Variants in RGS17 observed in about 807,000 individuals in gnomAD.
RGS17 encodes the protein regulator of G-protein signaling 17.
RGS17 carries 12 observed loss-of-function variants against 25.5 expected under a neutral mutation model. The ratio of observed to expected loss-of-function variants is 0.47; its 90% confidence interval spans 0.30 to 0.76. The LOEUF is 0.76. Ranked by LOEUF, RGS17 falls within the 30% of genes least tolerant of loss-of-function variation. The probability of loss-of-function intolerance (pLI) is 0.07; values close to 1 mark genes in which losing one functional copy is unlikely to be tolerated. For synonymous variants in RGS17, 71 were observed against 76.9 expected, an observed-to-expected ratio of 0.92 and a Z score of 0.40; for missense variants, 196 against 242.2, an observed-to-expected ratio of 0.81 and a Z score of 1.27.
intron 1 of RGS17, among the ~76,000 whole-genome samples, chr6:153,129,954 G>C (rs376737495): frequency 5.3e-5 from 8 of 152,102 alleles, no homozygotes; most frequent in African/African-American, 1.7e-4. Flanking sequence ...CGTACGCAGG[G>C]CGGGCGCGCG....
chr6:153,056,751 A>G (rs1410687614), intron 1 of RGS17, among the ~76,000 whole-genome samples: 4 of 151,922 alleles, frequency 2.6e-5, no homozygotes, highest in South Asian at 2.1e-4. Context: ...TATATTGTCA[A>G]TCTTTGTGCA....
chr6:153,126,280 A>G (rs7745443), intron 1 of RGS17, among the ~76,000 whole-genome samples: 3,173 of 152,288 alleles, frequency 0.021, 109 homozygotes, highest in African/African-American at 0.071. Flanking sequence ...ATCCACGACT[A>G]TCTGGGAACT....
chr6:153,126,493 C>T (rs1562341044), intron 1 of RGS17, among the ~76,000 whole-genome samples: 2 of 151,242 alleles, frequency 1.3e-5, no homozygotes, highest in South Asian at 2.1e-4. Flanking sequence ...TTTGCTTCTG[C>T]CTTTTAAAAA....
At chr6:153,103,034 G>A (rs1777327134) in intron 1 of RGS17, among the ~76,000 whole-genome samples, 1 of 152,164 alleles carries the variant, frequency 6.6e-6, no homozygotes, top group Non-Finnish European at 1.5e-5. Context: ...TTATAGCTCA[G>A]TGAATAAAGA....
At chr6:153,113,679 A>C (rs1471410639) in intron 1 of RGS17, among the ~76,000 whole-genome samples, 1 of 152,200 alleles carries the variant, frequency 6.6e-6, no homozygotes, top group African/African-American at 2.4e-5. Flanking sequence ...CATAATTGGA[A>C]GTAAAACACT....
At chr6:153,084,071 T>TA (rs1777020272) in intron 1 of RGS17, among the ~76,000 whole-genome samples, 1 of 152,174 alleles carries the variant, frequency 6.6e-6, no homozygotes. Context: ...CTATTTCCTT[T>TA]ATTTAGCAGA....
At chr6:153,105,757 G>T (rs528936968) in intron 1 of RGS17, among the ~76,000 whole-genome samples, 76 of 152,326 alleles carry the variant, frequency 5.0e-4, no homozygotes, top group African/African-American at 1.7e-3. Context: ...TCATTCATCA[G>T]TGTGGCTGAG....
In RGS17 at chr6:153,070,699, G is replaced by A. The variant is rs1198473780; in HGVS notation, c.-25-26656C>T. On this transcript the variant is annotated intron_variant, in intron 1 of 4. Transcript: ENST00000206262. ...TGTGTGTGTGTGTGTGTGTGTGTGTGTGTATATACATATATATATACACAT... is the reference window on the plus strand; with the variant it reads ...TGTGTGTGTGTGTGTGTGTGTGTGTATGTATATACATATATATATACACAT... Among the ~76,000 whole-genome samples the A allele has an allele frequency of 6.9e-3, 731 of 106,594 alleles. 5 individuals carry two copies. The highest frequency in any genetic ancestry group is 0.023 in the African/African-American group (692 of 30,096). The allele number at this position is 106,594 out of a possible 152,430, so 69.9% of individuals were successfully genotyped here.
At chr6:153,108,911 C>G (rs936774989) in intron 1 of RGS17, among the ~76,000 whole-genome samples, 19 of 151,734 alleles carry the variant, frequency 1.3e-4, no homozygotes, top group African/African-American at 4.4e-4. Context: ...ACCTCAAAGA[C>G]CAAGTATAGC....
At chr6:153,071,809 T>C (rs1776806674) in intron 1 of RGS17, among the ~76,000 whole-genome samples, 1 of 152,172 alleles carries the variant, frequency 6.6e-6, no homozygotes, top group South Asian at 2.1e-4. Flanking sequence ...GGATAATCTA[T>C]TTTATAGTAG....
chr6:153,083,194 C>T (rs1479374316), intron 1 of RGS17, among the ~76,000 whole-genome samples: 1 of 152,194 alleles, frequency 6.6e-6, no homozygotes, highest in Non-Finnish European at 1.5e-5. Context: ...ATTATTGTCA[C>T]CATCTTCTCC....
intron 4 of RGS17, 85 bp from the exon 5 acceptor site, chr6:153,011,847 G>A: frequency 1.0e-6 from 1 of 984,134 alleles, no homozygotes; most frequent in Non-Finnish European, 1.5e-6. Flanking sequence ...TGACATTTTA[G>A]AGAAACTTTA....
intron 4 of RGS17, among the ~76,000 whole-genome samples, chr6:153,013,684 G>A (rs1029722892): frequency 5.3e-5 from 8 of 152,188 alleles, no homozygotes; most frequent in Non-Finnish European, 1.0e-4. Flanking sequence ...GAATAAGAAA[G>A]CAAAACAACC....
intron 4 of RGS17, among the ~76,000 whole-genome samples, chr6:153,012,103 CCTCCTGCT>C (rs1779139574): frequency 6.6e-6 from 1 of 152,162 alleles, no homozygotes; most frequent in Admixed American, 6.5e-5. Context: ...TGTGAATTCA[CCTCCTGCT>C]ATTCTGTGAC....
At chr6:153,019,580 C>T (rs1219691344) in intron 4 of RGS17, among the ~76,000 whole-genome samples, 1 of 152,038 alleles carries the variant, frequency 6.6e-6, no homozygotes, top group East Asian at 1.9e-4. Context: ...TTGGTTCTGT[C>T]CTTGATATAG....
chr6:153,020,216 C>T (rs751006442), intron 4 of RGS17, among the ~76,000 whole-genome samples: 32 of 129,604 alleles, frequency 2.5e-4, no homozygotes, highest in Admixed American at 7.4e-4. Context: ...TGCAGTGGCA[C>T]GATCTTGGCT....
At chr6:153,058,701 C>T (rs925987684) in intron 1 of RGS17, among the ~76,000 whole-genome samples, 10 of 152,140 alleles carry the variant, frequency 6.6e-5, no homozygotes, top group African/African-American at 2.4e-4. Flanking sequence ...TTAGTTGTGA[C>T]GAATTTTTCC....
chr6:153,035,529 A>G (rs1318583836), intron 2 of RGS17, among the ~76,000 whole-genome samples: 1 of 152,220 alleles, frequency 6.6e-6, no homozygotes, highest in Non-Finnish European at 1.5e-5. Flanking sequence ...TGAGAGAAGC[A>G]AAAGTAGGGT....
rs1478946044 is a variant in RGS17 at position 153,084,742 on chromosome 6, C to G, written c.-25-40699G>C. Among the ~76,000 whole-genome samples the G allele has an allele frequency of 3.3e-5, 5 of 152,124 alleles. No homozygotes were observed. The East Asian group carries it at 9.6e-4, about 29-fold the overall frequency. On this transcript the variant is annotated intron_variant, in intron 1 of 4. Transcript: ENST00000206262. ...AATAGGACGTTTTGTAAGCACTGTC[C>G]AGCGAATGGTGTCTTTGACCAGAGT...
Sources: gnomAD v4.1 joint callset for allele counts (sites outside exome capture counted in the v4.1 genomes callset) on GRCh38, gnomAD v4.1.1 for gene constraint, MANE v1.5 for transcripts, NCBI Gene and HGNC (gene_info 2026-07-23, HGNC 2026-07-21) for gene names.